The following FMO5 variants were observed in gnomAD, a reference collection of about 807,000 sequenced individuals.
FMO5 encodes flavin containing dimethylaniline monoxygenase 5.
Under a neutral mutation model 43.6 loss-of-function variants are expected in FMO5, and 51 were observed. That is an observed-to-expected ratio of 1.17 (90% CI 0.93 to 1.48). The LOEUF is 1.48. Among genes scored for constraint, FMO5 ranks in the 40% most tolerant of loss-of-function variants. FMO5 has a pLI of 0.00. For synonymous variants in FMO5, 187 were observed against 216.5 expected (o/e 0.86, Z 1.20); for missense variants, 644 against 643.0 (o/e 1.00, Z -0.02).
At chr1:147,207,961 C>G (rs1158606479) in intron 6 of FMO5, among the ~76,000 whole-genome samples, 1 of 152,164 alleles carries the variant, frequency 6.6e-6, no homozygotes, top group Non-Finnish European at 1.5e-5. Context: ...TTCTAAGAAA[C>G]TGAATCTGTC....
intron 2 of FMO5, among the ~76,000 whole-genome samples, chr1:147,217,303 G>C (rs782054162): frequency 5.9e-5 from 9 of 151,896 alleles, no homozygotes; most frequent in African/African-American, 1.9e-4. Context: ...CATTGTTGTG[G>C]TGATCACATA....
At chr1:147,206,379 G>A (rs1660050214) in intron 6 of FMO5, among the ~76,000 whole-genome samples, 1 of 152,164 alleles carries the variant, frequency 6.6e-6, no homozygotes, top group Admixed American at 6.5e-5. Context: ...AAAAGAACTA[G>A]AAATACCATT....
intron 5 of FMO5, 55 bp downstream of exon 5, chr1:147,212,338 T>C (rs28381187): frequency 6.3e-7 from 1 of 1,589,526 alleles, no homozygotes; most frequent in Non-Finnish European, 8.6e-7. Context: ...GCAGCTTCCT[T>C]GGAGAAACTG....
chr1:147,202,493 T>C (rs1301481127), intron 6 of FMO5, among the ~76,000 whole-genome samples: 1 of 151,982 alleles, frequency 6.6e-6, no homozygotes, highest in African/African-American at 2.4e-5. Flanking sequence ...CTAATTTTTG[T>C]ATTTTTAGTA....
intron 7 of FMO5, among the ~76,000 whole-genome samples, chr1:147,196,922 G>A (rs781841985): frequency 2.0e-5 from 3 of 152,066 alleles, no homozygotes; most frequent in African/African-American, 7.2e-5. Context: ...TTGGTTTAAA[G>A]CTCTCATGCT....
At chr1:147,200,589 T>TC (rs1361017076) in intron 7 of FMO5, among the ~76,000 whole-genome samples, 18 of 20,776 alleles carry the variant, frequency 8.7e-4, no homozygotes, top group South Asian at 1.9e-3. Context: ...TGAAACCTAT[T>TC]CCCCTTTTTT....
At chr1:147,212,327 T>C in intron 5 of FMO5, 66 bp downstream of exon 5, 2 of 1,551,298 alleles carry the variant, frequency 1.3e-6, no homozygotes, top group Non-Finnish European at 1.8e-6. Context: ...TGGGTCCACC[T>C]GCAGCTTCCT....
At chr1:147,223,983 C>T (rs989381221) in intron 2 of FMO5, 1 of 414,088 alleles carries the variant, frequency 2.4e-6, no homozygotes, top group Admixed American at 2.7e-5. Context: ...AACACAATCA[C>T]CACCTTGGTG....
intron 2 of FMO5, among the ~76,000 whole-genome samples, chr1:147,218,514 G>A (rs372320912): frequency 1.4e-4 from 22 of 152,178 alleles, no homozygotes; most frequent in African/African-American, 5.3e-4. Flanking sequence ...GGGATTACAG[G>A]CGTGAGCCAC....
chr1:147,214,459 C>CA (rs782281901), intron 3 of FMO5, among the ~76,000 whole-genome samples: 143,547 of 149,198 alleles, frequency 0.96, 69,107 homozygotes, highest in East Asian at 0.99. Context: ...TGAAAAAAAA[C>CA]AAAAAACAAA....
At chr1:147,197,930 T>A (rs1390237812) in intron 7 of FMO5, among the ~76,000 whole-genome samples, 2 of 152,200 alleles carry the variant, frequency 1.3e-5, no homozygotes, top group African/African-American at 4.8e-5. Flanking sequence ...AGTGAGGAAC[T>A]GAAGTTCAGA....
At chr1:147,209,553 GAATTA>G (rs1330927099) in intron 5 of FMO5, 1 of 154,648 alleles carries the variant, frequency 6.5e-6, no homozygotes, top group Non-Finnish European at 1.4e-5. Flanking sequence ...ACTAAACTTA[GAATTA>G]AATTGGTGTA....
downstream of FMO5, chr1:147,184,411 T>C: frequency 1.5e-6 from 2 of 1,344,718 alleles, no homozygotes; most frequent in African/African-American, 3.0e-5. The surrounding 1 kb of genome is among the most constrained non-coding windows in gnomAD (Gnocchi z 4.4). Context: ...ATGCATACTT[T>C]ATTAATATTC....
At chr1:147,207,969 G>C (rs1660384084) in intron 6 of FMO5, among the ~76,000 whole-genome samples, 1 of 152,140 alleles carries the variant, frequency 6.6e-6, no homozygotes, top group East Asian at 1.9e-4. Flanking sequence ...AACTGAATCT[G>C]TCAGCTTCTT....
chr1:147,191,987 G>A (rs1319669652), intron 7 of FMO5, among the ~76,000 whole-genome samples: 2 of 152,002 alleles, frequency 1.3e-5, no homozygotes, highest in South Asian at 2.1e-4. Context: ...TTGACTTGGT[G>A]ATGCGGGCTC....
intron 2 of FMO5, 77 bp from the exon 3 acceptor site, chr1:147,216,019 A>C: frequency 9.0e-7 from 1 of 1,106,790 alleles, no homozygotes; most frequent in Non-Finnish European, 1.3e-6. Flanking sequence ...ACATCTGAAA[A>C]AGTTTTCTGA....
chr1:147,222,797 C>T (rs587763447), intron 2 of FMO5, among the ~76,000 whole-genome samples: 3 of 152,328 alleles, frequency 2.0e-5, no homozygotes, highest in Non-Finnish European at 4.4e-5. Flanking sequence ...GTTTAAACCA[C>T]ATTGGAGATA....
chr1:147,215,273 A>C (rs782072115), intron 3 of FMO5: 1 of 152,356 alleles, frequency 6.6e-6, no homozygotes, highest in African/African-American at 2.4e-5. Context: ...CTGCAATTCC[A>C]TGTTCTCCCC....
intron 4 of FMO5, among the ~76,000 whole-genome samples, chr1:147,212,760 C>T (rs942253788): frequency 6.6e-6 from 1 of 152,146 alleles, no homozygotes; most frequent in Admixed American, 6.5e-5. Flanking sequence ...TTGCTTAACT[C>T]AGGATGTGTT....
Sources: gnomAD v4.1 joint callset for allele counts (sites outside exome capture counted in the v4.1 genomes callset) on GRCh38, gnomAD v4.1.1 for gene constraint, Gnocchi (gnomAD v3.1) non-coding constraint, MANE v1.5 for transcripts, NCBI Gene and HGNC (gene_info 2026-07-23, HGNC 2026-07-21) for gene names.